LGR5: variants seen among roughly 807,000 people sequenced by gnomAD.
LGR5 encodes leucine rich repeat containing G protein-coupled receptor 5.
In LGR5, 54 loss-of-function variants were observed where a neutral mutation model predicts 76.7. The ratio of observed to expected loss-of-function variants is 0.70; its 90% CI spans 0.57 to 0.88. The LOEUF (loss-of-function observed/expected upper bound fraction) is 0.88. LGR5 is among the 40% of genes least tolerant of loss of function. The pLI is 0.00. For missense variants in LGR5, 1,078 were observed against 1,073.3 expected (o/e 1.00, Z -0.06); for synonymous variants, 406 against 421.9 (o/e 0.96, Z 0.46).
At chr12:71,441,470 T>C (rs1871766556) in intron 1 of LGR5, 1 of 152,258 alleles carries the variant, frequency 6.6e-6, no homozygotes, top group Non-Finnish European at 1.5e-5. Context: ...TGATGTACCT[T>C]GGCAGGAGAG....
At chr12:71,572,558 G>A (rs1148980) in intron 12 of LGR5, among the ~76,000 whole-genome samples, 142,324 of 152,228 alleles carry the variant, frequency 0.93, 67,338 homozygotes, top group East Asian at 1. Flanking sequence ...GAATCCAAGG[G>A]AGGCTCAGAA....
At chr12:71,473,829 C>T (rs529514100) in intron 1 of LGR5, among the ~76,000 whole-genome samples, 25 of 152,172 alleles carry the variant, frequency 1.6e-4, no homozygotes, top group African/African-American at 4.8e-4. Context: ...GTAATACACT[C>T]TGTATTCATT....
At chr12:71,547,945 A>G (rs1265929305) in intron 4 of LGR5, among the ~76,000 whole-genome samples, 1 of 151,870 alleles carries the variant, frequency 6.6e-6, no homozygotes, top group East Asian at 2.0e-4. Flanking sequence ...CCTATAAATT[A>G]TATATACTAT....
Position 71,524,398 on chromosome 12 carries a change from AC to A in LGR5, c.285-5del, listed in dbSNP as rs773075934. 6.2e-7 allele frequency: 1 copy of A among 1,608,324 alleles called. No homozygotes were observed. The highest frequency in any genetic ancestry group is 1.1e-5 in the South Asian group (1 of 90,746). On this transcript the variant is annotated splice_polypyrimidine_tract_variant and splice_region_variant and intron_variant, in intron 2 of 17. Transcript: ENST00000266674. Reference sequence around the variant, plus strand: ...CTCACTCTCTCTCCTCTCCATTGAAACCCACAGACGTCTTGCGGGAAACGCT... The same window carrying A: ...CTCACTCTCTCTCCTCTCCATTGAAACCACAGACGTCTTGCGGGAAACGCT...
At chr12:71,517,344 A>G (rs2137327746) in intron 2 of LGR5, among the ~76,000 whole-genome samples, 1 of 152,340 alleles carries the variant, frequency 6.6e-6, no homozygotes, top group African/African-American at 2.4e-5. Context: ...CTGATAACAC[A>G]GGTCAGTGGT....
chr12:71,471,984 C>T (rs1873123390), intron 1 of LGR5, among the ~76,000 whole-genome samples: 1 of 152,042 alleles, frequency 6.6e-6, no homozygotes, highest in African/African-American at 2.4e-5. Context: ...ATAAAATAAA[C>T]TTTGGGGACT....
intron 1 of LGR5, among the ~76,000 whole-genome samples, chr12:71,479,030 C>T (rs775283424): frequency 7.9e-5 from 12 of 152,102 alleles, no homozygotes; most frequent in Non-Finnish European, 1.2e-4. Flanking sequence ...TATTCAATTG[C>T]GAATCAGAGT....
chr12:71,502,062 C>T (rs1244487779), intron 1 of LGR5, among the ~76,000 whole-genome samples: 3 of 152,048 alleles, frequency 2.0e-5, no homozygotes, highest in African/African-American at 7.2e-5. Context: ...AAGAAAACAG[C>T]CTGTATTAGA....
intron 4 of LGR5, among the ~76,000 whole-genome samples, chr12:71,552,241 T>C (rs1877521212): frequency 6.6e-6 from 1 of 151,848 alleles, no homozygotes; most frequent in Non-Finnish European, 1.5e-5. Context: ...TCCCAGAACT[T>C]AAAGTAAAAT....
At chr12:71,460,002 A>C (rs1052144407) in intron 1 of LGR5, among the ~76,000 whole-genome samples, 2 of 152,068 alleles carry the variant, frequency 1.3e-5, no homozygotes, top group Non-Finnish European at 1.5e-5. Flanking sequence ...TATTATTACT[A>C]ACAGAGGTTG....
chr12:71,536,670 A>G (rs751337219), intron 4 of LGR5, among the ~76,000 whole-genome samples: 1 of 152,242 alleles, frequency 6.6e-6, no homozygotes, highest in Non-Finnish European at 1.5e-5. Flanking sequence ...GGCAGGCAGT[A>G]GATAGAAGGA....
chr12:71,552,058 G>A (rs1214641543), intron 4 of LGR5, among the ~76,000 whole-genome samples: 4 of 151,792 alleles, frequency 2.6e-5, no homozygotes, highest in Non-Finnish European at 5.9e-5. Context: ...CACAGAGAGG[G>A]GAACATCATA....
At chr12:71,505,941 C>A (rs1874833705) in intron 2 of LGR5, among the ~76,000 whole-genome samples, 1 of 152,114 alleles carries the variant, frequency 6.6e-6, no homozygotes, top group Non-Finnish European at 1.5e-5. Flanking sequence ...TAAGATTTAA[C>A]CTTCATAGGA....
At chr12:71,572,270 G>A (rs770655971) in intron 12 of LGR5, among the ~76,000 whole-genome samples, 4 of 151,990 alleles carry the variant, frequency 2.6e-5, no homozygotes, top group Non-Finnish European at 4.4e-5. Flanking sequence ...TTTTACTAGA[G>A]ACGAGGTTTC....
chr12:71,558,453 C>G (rs1324101386), intron 6 of LGR5, among the ~76,000 whole-genome samples: 2 of 152,142 alleles, frequency 1.3e-5, no homozygotes, highest in Non-Finnish European at 2.9e-5. Flanking sequence ...TTTGGTTATT[C>G]CCAGCCTCTT....
chr12:71,471,245 C>G (rs888456195), intron 1 of LGR5, among the ~76,000 whole-genome samples: 1 of 152,022 alleles, frequency 6.6e-6, no homozygotes, highest in African/African-American at 2.4e-5. Context: ...GGAAATAACC[C>G]AAATGTCCAC....
At chr12:71,532,997 G>A (rs1376270022) in intron 3 of LGR5, among the ~76,000 whole-genome samples, 7 of 152,054 alleles carry the variant, frequency 4.6e-5, no homozygotes, top group Admixed American at 1.3e-4. Context: ...TTCGAGTCCA[G>A]TCCTGGGCAA....
chr12:71,470,957 CT>C, intron 1 of LGR5, among the ~76,000 whole-genome samples: 1 of 152,226 alleles, frequency 6.6e-6, no homozygotes, highest in Non-Finnish European at 1.5e-5. Context: ...CCCGCAGCAT[CT>C]TGGTTACATC....
chr12:71,483,900 A>G (rs963826669), intron 1 of LGR5, among the ~76,000 whole-genome samples: 1 of 152,328 alleles, frequency 6.6e-6, no homozygotes, highest in African/African-American at 2.4e-5. Flanking sequence ...GGGATGAATG[A>G]TAGGATGATG....
Sources: gnomAD v4.1 joint callset for allele counts (sites outside exome capture counted in the v4.1 genomes callset) on GRCh38, gnomAD v4.1.1 for gene constraint, MANE v1.5 for transcripts, NCBI Gene and HGNC (gene_info 2026-07-23, HGNC 2026-07-21) for gene names.